The following MACROH2A2 variants were observed in gnomAD, a reference collection of about 807,000 sequenced individuals.
MACROH2A2 encodes the protein macroH2A.2 histone.
A neutral mutation model predicts 37.6 loss-of-function variants in MACROH2A2; 6 were observed. That is an observed-to-expected ratio of 0.16 (90% CI 0.09 to 0.32). MACROH2A2 has a LOEUF of 0.32. MACROH2A2 is among the 10% of genes least tolerant of loss of function. The probability of loss-of-function intolerance (pLI) is 1.00; values close to 1 mark genes in which losing one functional copy is unlikely to be tolerated. For synonymous variants in MACROH2A2, 192 were observed against 202.7 expected, an observed-to-expected ratio of 0.95 and a Z score of 0.45; for missense variants, 290 against 485.9, an observed-to-expected ratio of 0.60 and a Z score of 3.79.
intron 2 of MACROH2A2, among the ~76,000 whole-genome samples, chr10:70,079,602 CACACGGCAGAGGA>C (rs1468244073): frequency 3.3e-5 from 5 of 151,746 alleles, no homozygotes; most frequent in South Asian, 4.2e-4. Flanking sequence ...CACACACACA[CACACGGCAGAGGA>C]GGCATCAAAG....
chr10:70,054,883 T>G (rs1242173010), intron 1 of MACROH2A2, among the ~76,000 whole-genome samples: 2 of 152,210 alleles, frequency 1.3e-5, no homozygotes, highest in African/African-American at 4.8e-5. Flanking sequence ...TCTCCTCTTC[T>G]CTGGTTTTTC....
At chr10:70,093,697 G>C (rs1022700140) in intron 4 of MACROH2A2, 38 bp from the exon 5 acceptor site, 1 of 1,145,238 alleles carries the variant, frequency 8.7e-7, no homozygotes, top group African/African-American at 1.5e-5. Context: ...GCTTTTTCTG[G>C]ATTGGTTCTC....
intron 1 of MACROH2A2, among the ~76,000 whole-genome samples, chr10:70,072,848 T>C (rs562227787): frequency 6.6e-6 from 1 of 152,226 alleles, no homozygotes; most frequent in South Asian, 2.1e-4. Context: ...TCCCAGCTAC[T>C]TGGGAGGCTG....
At chr10:70,102,052 C>T (rs2072310022) in intron 7 of MACROH2A2, among the ~76,000 whole-genome samples, 1 of 152,202 alleles carries the variant, frequency 6.6e-6, no homozygotes, top group South Asian at 2.1e-4. Context: ...AATCAGTTCA[C>T]TCCTTGTACC....
intron 2 of MACROH2A2, among the ~76,000 whole-genome samples, chr10:70,079,260 A>G (rs1234851404): frequency 6.6e-6 from 1 of 151,100 alleles, no homozygotes; most frequent in Non-Finnish European, 1.5e-5. Flanking sequence ...CACCCCCGAG[A>G]CTCTGGGGTA....
At chr10:70,084,061 C>T (rs2072196653) in intron 2 of MACROH2A2, among the ~76,000 whole-genome samples, 1 of 152,000 alleles carries the variant, frequency 6.6e-6, no homozygotes, top group South Asian at 2.1e-4. Flanking sequence ...CTGACCAGAA[C>T]AAGTAGGTCT....
At chr10:70,073,781 T>C (rs2072124074) in intron 1 of MACROH2A2, among the ~76,000 whole-genome samples, 4 of 152,204 alleles carry the variant, frequency 2.6e-5, no homozygotes, top group Admixed American at 2.6e-4. Context: ...AATCCTGGTT[T>C]TGTATCTATT....
chr10:70,100,587 T>C (rs564379882), intron 7 of MACROH2A2, among the ~76,000 whole-genome samples: 3 of 151,756 alleles, frequency 2.0e-5, no homozygotes, highest in Non-Finnish European at 2.9e-5. Flanking sequence ...ACACACACCA[T>C]AGGACTTACC....
At chr10:70,070,984 T>G (rs2072105578) in intron 1 of MACROH2A2, among the ~76,000 whole-genome samples, 1 of 150,522 alleles carries the variant, frequency 6.6e-6, no homozygotes, top group Non-Finnish European at 1.5e-5. Context: ...TGTGTGTGTG[T>G]CTGTGTGCAT....
intron 1 of MACROH2A2, among the ~76,000 whole-genome samples, chr10:70,072,831 C>T (rs1299430485): frequency 1.3e-5 from 2 of 152,100 alleles, no homozygotes; most frequent in African/African-American, 4.8e-5. Context: ...GTGGTGCACA[C>T]CGATAGTCCC....
At chr10:70,100,656 G>A (rs986122335) in intron 7 of MACROH2A2, among the ~76,000 whole-genome samples, 10 of 138,024 alleles carry the variant, frequency 7.2e-5, no homozygotes, top group Non-Finnish European at 1.1e-4. Context: ...TCACTCTGTC[G>A]CCCAGGCTGG....
At chr10:70,067,911 C>A (rs1207570104) in intron 1 of MACROH2A2, among the ~76,000 whole-genome samples, 2 of 152,076 alleles carry the variant, frequency 1.3e-5, no homozygotes, top group Non-Finnish European at 2.9e-5. Flanking sequence ...TGGGTTAAGG[C>A]CTCATCCTTC....
intron 1 of MACROH2A2, among the ~76,000 whole-genome samples, chr10:70,073,459 A>C (rs973206258): frequency 5.3e-5 from 8 of 152,222 alleles, no homozygotes; most frequent in African/African-American, 1.9e-4. Flanking sequence ...AGTCAAAGAG[A>C]TAATAGTCTA....
chr10:70,087,666 C>T (rs1413411370), intron 2 of MACROH2A2, among the ~76,000 whole-genome samples: 2 of 152,220 alleles, frequency 1.3e-5, no homozygotes, highest in Admixed American at 6.5e-5. Flanking sequence ...TCACAGACAG[C>T]ATTAATTTCA....
Position 70,107,061 on chromosome 10 carries a change from TG to T in MACROH2A2, c.779-1970del, listed in dbSNP as rs2072342196. Among the ~76,000 whole-genome samples the T allele has an allele frequency of 6.6e-6, 1 of 152,148 alleles. No homozygotes were observed. Among genetic ancestry groups the T allele is most frequent in the African/African-American group, 2.4e-5 (1 of 41,432 alleles). Reference sequence around the variant, plus strand: ...AGTCCAAAGAGGGACACTCTGCTTCTGGTGCACAAATATACGTGGTCGTAGA... The same window carrying T: ...AGTCCAAAGAGGGACACTCTGCTTCTGTGCACAAATATACGTGGTCGTAGA... On this transcript the variant is annotated intron_variant, in intron 7 of 8. Coordinates refer to ENST00000373255, the MANE Select transcript of MACROH2A2 (RefSeq NM_018649.3). This position sits in a 1 kb window ranked among gnomAD's most constrained non-coding sequence, Gnocchi z 4.4.
intron 3 of MACROH2A2, 48 bp downstream of exon 3, chr10:70,090,214 T>A (rs747340300): frequency 8.2e-7 from 1 of 1,214,508 alleles, no homozygotes; most frequent in Non-Finnish European, 1.2e-6. Flanking sequence ...TTGCCAAACA[T>A]GCTAATGTGT....
rs2071984316 is a variant in MACROH2A2, at chr10:70,052,998, C to G, written c.-62C>G. On this transcript the variant is annotated splice_region_variant and 5_prime_UTR_variant, in exon 1 of 9. Coordinates refer to ENST00000373255, the MANE Select transcript of MACROH2A2 (RefSeq NM_018649.3). ...GCGCCGGGAGCAGGCGGCGCAGCAC[C>G]AGGTGAGCCCGCCATGGCGATGGCA... is the stretch of plus-strand genomic sequence containing the variant. 2 of 152,300 alleles carry G rather than the reference C, an allele frequency of 1.3e-5. No individual in the cohort carries two copies. Among genetic ancestry groups the G allele is most frequent in the South Asian group, 4.1e-4 (2 of 4,828 alleles). The allele number at this position is 152,300 out of a possible 1,614,324, so 9.4% of individuals were successfully genotyped here.
At chr10:70,090,469 C>T (rs2136634787) in intron 3 of MACROH2A2, among the ~76,000 whole-genome samples, 1 of 152,344 alleles carries the variant, frequency 6.6e-6, no homozygotes, top group Non-Finnish European at 1.5e-5. Flanking sequence ...TCACTTTCTT[C>T]ACCCAAACTT....
intron 6 of MACROH2A2, among the ~76,000 whole-genome samples, chr10:70,097,599 T>C (rs966943807): frequency 2.0e-5 from 3 of 152,148 alleles, no homozygotes; most frequent in African/African-American, 7.2e-5. Flanking sequence ...GATGCAATAA[T>C]CACCACCCAT....
Sources: allele counts gnomAD v4.1 joint callset (sites outside exome capture counted in the v4.1 genomes callset), GRCh38; gene constraint gnomAD v4.1.1; non-coding constraint Gnocchi (gnomAD v3.1); transcripts MANE v1.5; gene names NCBI Gene and HGNC (gene_info 2026-07-23, HGNC 2026-07-21).